The following MYRIP variants were observed in gnomAD, a reference collection of about 807,000 sequenced individuals.
The protein encoded by MYRIP is rab effector MyRIP.
MYRIP carries 49 observed loss-of-function variants against 98.0 expected under a neutral mutation model. The ratio of observed to expected loss-of-function variants is 0.50; its 90% CI spans 0.40 to 0.63. The LOEUF is 0.63. Ranked by LOEUF, MYRIP falls within the 30% of genes least tolerant of loss-of-function variation. The pLI is 0.00. For synonymous variants in MYRIP, 404 were observed against 409.5 expected (o/e 0.99, Z 0.16); for missense variants, 1,004 against 1,058.2 (o/e 0.95, Z 0.71).
At chr3:39,831,264 C>T (rs1436996603) in intron 1 of MYRIP, among the ~76,000 whole-genome samples, 1 of 152,064 alleles carries the variant, frequency 6.6e-6, no homozygotes, top group Non-Finnish European at 1.5e-5. Context: ...ACCATTTATG[C>T]CAGTGATCTT....
At chr3:40,197,438 T>C (rs1208311495) in intron 10 of MYRIP, among the ~76,000 whole-genome samples, 9 of 152,204 alleles carry the variant, frequency 5.9e-5, no homozygotes, top group South Asian at 4.1e-4. Flanking sequence ...CACTCTTCTG[T>C]CCTCCTAAAC....
chr3:40,232,777 T>A (rs1305128906), intron 11 of MYRIP: 1 of 152,186 alleles, frequency 6.6e-6, no homozygotes, highest in Non-Finnish European at 1.5e-5. Flanking sequence ...TTGGCCCAAA[T>A]CCGGGTTGAT....
intron 2 of MYRIP, among the ~76,000 whole-genome samples, chr3:39,996,215 C>G (rs992264809): frequency 2.6e-5 from 4 of 152,136 alleles, no homozygotes; most frequent in Non-Finnish European, 2.9e-5. Context: ...ACTAAATCCT[C>G]CAATTAAAAG....
At chr3:39,995,862 AG>A in intron 2 of MYRIP, among the ~76,000 whole-genome samples, 1 of 152,342 alleles carries the variant, frequency 6.6e-6, no homozygotes, top group South Asian at 2.1e-4. Flanking sequence ...ACAAGCCAGA[AG>A]AGAGTGGGGG....
chr3:39,868,212 A>G (rs187469662), intron 1 of MYRIP, among the ~76,000 whole-genome samples: 1 of 152,336 alleles, frequency 6.6e-6, no homozygotes, highest in Non-Finnish European at 1.5e-5. Flanking sequence ...TTCTCTGAGA[A>G]CTGGGCCAAA....
intron 9 of MYRIP, among the ~76,000 whole-genome samples, chr3:40,189,459 T>C (rs1433460370): frequency 6.6e-6 from 1 of 151,966 alleles, no homozygotes; most frequent in Non-Finnish European, 1.5e-5. Context: ...TAGCCCAAGG[T>C]CAAAGAGCCA....
intron 15 of MYRIP, among the ~76,000 whole-genome samples, chr3:40,250,877 T>G (rs1244221487): frequency 6.6e-6 from 1 of 152,232 alleles, no homozygotes; most frequent in Non-Finnish European, 1.5e-5. Context: ...AGATGGGATA[T>G]TTGTTCTAAA....
chr3:40,138,051 C>T (rs1161542713), intron 3 of MYRIP, among the ~76,000 whole-genome samples: 1 of 152,168 alleles, frequency 6.6e-6, no homozygotes, highest in Admixed American at 6.5e-5. Flanking sequence ...AGTCATTCTC[C>T]CTAGGGAAAT....
At chr3:40,074,948 C>T (rs1391394170) in intron 3 of MYRIP, among the ~76,000 whole-genome samples, 1 of 151,934 alleles carries the variant, frequency 6.6e-6, no homozygotes, top group Admixed American at 6.6e-5. Flanking sequence ...AGCTAGTTTC[C>T]TCAAAATTAT....
At position 40,167,275 on chromosome 3, in the gene MYRIP, C is replaced by A. The variant is rs757508518; in HGVS notation, c.729+36C>A. Reference sequence around the variant, plus strand: ...CCTGGCAGTGGGATGGCTGCAGTTTCCTGGCTGGGCCTGGTGCAGGGACTC... The same window carrying A: ...CCTGGCAGTGGGATGGCTGCAGTTTACTGGCTGGGCCTGGTGCAGGGACTC... On this transcript the variant is annotated intron_variant, in intron 7 of 16. Transcript: ENST00000302541. 36 of 1,585,110 alleles carry A rather than the reference C, an allele frequency of 2.3e-5. No individual in the cohort carries two copies. The Admixed American group carries it at 6.0e-4, about 27-fold the overall frequency.
chr3:40,144,256 C>T (rs1213958165), intron 3 of MYRIP, among the ~76,000 whole-genome samples: 1 of 152,164 alleles, frequency 6.6e-6, no homozygotes, highest in African/African-American at 2.4e-5. Context: ...TTTTGAACCT[C>T]TAGGCTTTCA....
intron 7 of MYRIP, among the ~76,000 whole-genome samples, chr3:40,168,686 C>A (rs1252652069): frequency 6.6e-6 from 1 of 152,228 alleles, no homozygotes; most frequent in East Asian, 1.9e-4. Flanking sequence ...CTGCCTGTGG[C>A]CATGACAGGA....
Position 40,167,159 on chromosome 3 carries a change from G to C in MYRIP, c.649G>C (p.Asp217His). 5 of 1,614,104 alleles carry C rather than the reference G, an allele frequency of 3.1e-6. No homozygotes were observed. The highest frequency in any genetic ancestry group is 4.2e-6 in the Non-Finnish European group (5 of 1,180,010). ...CACAGCCATTCTCTTCCCTCCTCAGGACAAGCAAAATGAGGCCAGTTACCT... is the reference window on the plus strand; with the variant it reads ...CACAGCCATTCTCTTCCCTCCTCAGCACAAGCAAAATGAGGCCAGTTACCT... ...SKAEAYGDSL[D>H]KQNEASYLRD... Residue 217 changes from aspartate to histidine, a missense_variant and splice_region_variant, in exon 7 of 17, where the codon GAC becomes CAC. Physicochemically the swap from Asp to His is moderately conservative, Grantham distance 81. Around this residue, in one of 3 missense-constraint regions of MYRIP, gnomAD observed 880 missense variants for 907.7 expected, o/e 0.97. Transcript: ENST00000302541.
intron 2 of MYRIP, among the ~76,000 whole-genome samples, chr3:39,906,024 C>T (rs1943870368): frequency 6.6e-6 from 1 of 151,954 alleles, no homozygotes; most frequent in African/African-American, 2.4e-5. Flanking sequence ...AAAGCACTCC[C>T]GGTGTGCAGC....
At chr3:40,080,781 A>G (rs1240277586) in intron 3 of MYRIP, among the ~76,000 whole-genome samples, 1 of 124,344 alleles carries the variant, frequency 8.0e-6, no homozygotes, top group African/African-American at 3.0e-5. Flanking sequence ...ATTGTTTTCT[A>G]TCCTAACTTC....
intron 1 of MYRIP, among the ~76,000 whole-genome samples, chr3:39,851,533 C>T (rs1942129951): frequency 6.6e-6 from 1 of 152,200 alleles, no homozygotes; most frequent in Non-Finnish European, 1.5e-5. Context: ...GAACTTCTGT[C>T]ACCAAGTATG....
At chr3:40,226,701 T>A (rs1191479335) in intron 11 of MYRIP, among the ~76,000 whole-genome samples, 1 of 152,208 alleles carries the variant, frequency 6.6e-6, no homozygotes, top group Admixed American at 6.5e-5. Context: ...GTGATCACAG[T>A]ATCTGCGTCC....
intron 3 of MYRIP, among the ~76,000 whole-genome samples, chr3:40,048,771 T>C (rs1448574065): frequency 6.6e-6 from 1 of 152,206 alleles, no homozygotes; most frequent in African/African-American, 2.4e-5. Flanking sequence ...TAAAATGTAT[T>C]TCTGTTATCA....
intron 2 of MYRIP, among the ~76,000 whole-genome samples, chr3:39,974,328 A>G (rs1180738195): frequency 2.0e-5 from 3 of 152,206 alleles, no homozygotes; most frequent in African/African-American, 7.2e-5. Context: ...CTGGACACAT[A>G]CACCCTCCTA....
Sources: gnomAD v4.1 joint callset for allele counts (sites outside exome capture counted in the v4.1 genomes callset) on GRCh38, gnomAD v4.1.1 for gene constraint, gnomAD v4.1.1 regional missense constraint, MANE v1.5 for transcripts, NCBI Gene and HGNC (gene_info 2026-07-23, HGNC 2026-07-21) for gene names.